Variants in CSMD1 observed in about 807,000 individuals in gnomAD.
The protein encoded by CSMD1 is CUB and sushi domain-containing protein 1.
Under a neutral mutation model 417.5 loss-of-function variants are expected in CSMD1, and 213 were observed. The ratio of observed to expected loss-of-function variants is 0.51; its 90% CI spans 0.46 to 0.57. CSMD1 has a LOEUF of 0.57. CSMD1 is among the 20% of genes least tolerant of loss of function. The pLI is 0.00. For missense variants in CSMD1, 6,923 were observed against 4,529.7 expected (o/e 1.53, Z -15.17); for synonymous variants, 2,862 against 1,736.8 (o/e 1.65, Z -16.11).
chr8:3,075,832 G>C (rs1813625809), intron 49 of CSMD1, among the ~76,000 whole-genome samples: 1 of 150,970 alleles, frequency 6.6e-6, no homozygotes, highest in East Asian at 2.0e-4. Flanking sequence ...ACAAGGTCAG[G>C]AGATCGAGAC....
chr8:4,906,470 A>C (rs563861518), intron 1 of CSMD1, among the ~76,000 whole-genome samples: 15 of 151,810 alleles, frequency 9.9e-5, no homozygotes, highest in Admixed American at 7.9e-4. Flanking sequence ...TTTGTAGCAA[A>C]GGAATACATC....
chr8:4,270,733 T>C (rs1252405387), intron 3 of CSMD1, among the ~76,000 whole-genome samples: 3 of 152,188 alleles, frequency 2.0e-5, no homozygotes, highest in East Asian at 1.9e-4. Flanking sequence ...ATAGAAATAT[T>C]GTGTTTGAGG....
chr8:3,475,582 C>T (rs1018905298), intron 11 of CSMD1, among the ~76,000 whole-genome samples: 1 of 152,154 alleles, frequency 6.6e-6, no homozygotes, highest in Non-Finnish European at 1.5e-5. Context: ...ATCTATGAAA[C>T]AAGAGAATTG....
At chr8:3,903,894 A>C (rs1161944126) in intron 5 of CSMD1, among the ~76,000 whole-genome samples, 1 of 151,960 alleles carries the variant, frequency 6.6e-6, no homozygotes, top group Non-Finnish European at 1.5e-5. Flanking sequence ...TTTTACCTCC[A>C]CAGGACACGT....
chr8:3,462,378 G>C (rs996135792), intron 12 of CSMD1, among the ~76,000 whole-genome samples: 1 of 152,166 alleles, frequency 6.6e-6, no homozygotes, highest in Non-Finnish European at 1.5e-5. Context: ...GCTAGGAACT[G>C]GGCCACACAG....
At chr8:4,757,959 C>CAAAA (rs35869578) in intron 1 of CSMD1, among the ~76,000 whole-genome samples, 3 of 72,046 alleles carry the variant, frequency 4.2e-5, no homozygotes, top group Non-Finnish European at 8.0e-5. Flanking sequence ...GACTTTGTCT[C>CAAAA]AAAAAAAAAA....
intron 5 of CSMD1, among the ~76,000 whole-genome samples, chr8:3,968,556 T>G (rs1455554399): frequency 6.6e-6 from 1 of 152,186 alleles, no homozygotes; most frequent in Admixed American, 6.5e-5. Context: ...TTCAGAAGGT[T>G]TGAACAATAA....
chr8:4,367,146 T>G (rs904060465), intron 3 of CSMD1, among the ~76,000 whole-genome samples: 1 of 152,196 alleles, frequency 6.6e-6, no homozygotes, highest in Admixed American at 6.5e-5. Flanking sequence ...TGGTATTTCT[T>G]AGGTTGTTTT....
intron 49 of CSMD1, among the ~76,000 whole-genome samples, chr8:3,054,246 A>G (rs1037841): frequency 1.3e-5 from 2 of 152,032 alleles, no homozygotes; most frequent in Admixed American, 6.5e-5. Flanking sequence ...GTATTCCCCA[A>G]TAAAATCCAA....
chr8:3,465,081 C>G (rs181250022), intron 12 of CSMD1, among the ~76,000 whole-genome samples: 200 of 152,192 alleles, frequency 1.3e-3, no homozygotes, highest in African/African-American at 4.7e-3. Flanking sequence ...ATACACATGC[C>G]AACTGAAGTC....
intron 5 of CSMD1, among the ~76,000 whole-genome samples, chr8:3,933,781 A>T (rs1243863533): frequency 1.3e-5 from 2 of 152,192 alleles, no homozygotes; most frequent in Non-Finnish European, 2.9e-5. Flanking sequence ...TTTTCCTGCT[A>T]TATTTATTTT....
intron 2 of CSMD1, among the ~76,000 whole-genome samples, chr8:4,422,298 A>C (rs1401373287): frequency 1.3e-5 from 2 of 152,084 alleles, no homozygotes; most frequent in Non-Finnish European, 2.9e-5. Context: ...TGGCATTGAC[A>C]CTACCCTTTC....
In CSMD1 at chr8:4,640,821, T is replaced by G. The variant is rs184575767; in HGVS notation, c.86-3263A>C. Among the ~76,000 whole-genome samples the G allele has an allele frequency of 1.8e-3, 264 of 148,110 alleles. 3 individuals carry two copies. Among genetic ancestry groups the G allele is most frequent in the African/African-American group, 6.3e-3 (251 of 40,136 alleles). Reference sequence around the variant, plus strand: ...GATAATTGTAATGTTTTAGTTAAAATTAAGATGTTATTTTACAGGGATTGA... The same window carrying G: ...GATAATTGTAATGTTTTAGTTAAAAGTAAGATGTTATTTTACAGGGATTGA... On this transcript the variant is annotated intron_variant, in intron 1 of 69. Transcript: ENST00000635120.
At chr8:4,868,697 G>C (rs954429418) in intron 1 of CSMD1, among the ~76,000 whole-genome samples, 1 of 151,884 alleles carries the variant, frequency 6.6e-6, no homozygotes, top group African/African-American at 2.4e-5. Flanking sequence ...ATGGTGTCTT[G>C]GTCGAAAGTA....
chr8:4,355,690 C>T (rs776150968), intron 3 of CSMD1, among the ~76,000 whole-genome samples: 1 of 152,208 alleles, frequency 6.6e-6, no homozygotes, highest in Admixed American at 6.5e-5. Flanking sequence ...GAGTTTCCTA[C>T]CAATCCCACT....
intron 23 of CSMD1, among the ~76,000 whole-genome samples, chr8:3,339,701 G>A (rs1807514598): frequency 6.6e-6 from 1 of 152,162 alleles, no homozygotes; most frequent in South Asian, 2.1e-4. Flanking sequence ...GACCCTCAGT[G>A]TCACCAGGGA....
chr8:4,289,632 C>T (rs763374062), intron 3 of CSMD1, among the ~76,000 whole-genome samples: 7 of 152,138 alleles, frequency 4.6e-5, no homozygotes, highest in East Asian at 1.9e-4. Flanking sequence ...ATCTGCTGGA[C>T]GGAGTAGAGC....
At chr8:3,977,356 T>C (rs1386068265) in intron 5 of CSMD1, among the ~76,000 whole-genome samples, 2 of 152,176 alleles carry the variant, frequency 1.3e-5, no homozygotes, top group Admixed American at 6.5e-5. Context: ...CAATGTCAAG[T>C]AGAAGGCACT....
At chr8:4,164,471 C>A (rs1459059619) in intron 3 of CSMD1, among the ~76,000 whole-genome samples, 1 of 152,044 alleles carries the variant, frequency 6.6e-6, no homozygotes, top group Non-Finnish European at 1.5e-5. Flanking sequence ...AGAAATGAAC[C>A]CCTAAACTAA....
Sources: gnomAD v4.1 joint callset for allele counts (sites outside exome capture counted in the v4.1 genomes callset) on GRCh38, gnomAD v4.1.1 for gene constraint, MANE v1.5 for transcripts, NCBI Gene and HGNC (gene_info 2026-07-23, HGNC 2026-07-21) for gene names.